MYO1B: variants seen among roughly 807,000 people sequenced by gnomAD.
The protein encoded by MYO1B is myosin IB, also known as unconventional myosin-Ib.
MYO1B carries 72 observed loss-of-function variants against 159.7 expected under a neutral mutation model. The observed-to-expected ratio is 0.45, with a 90% CI of 0.37 to 0.55. The LOEUF (loss-of-function observed/expected upper bound fraction) is 0.55. Ranked by LOEUF, MYO1B falls within the 20% of genes least tolerant of loss-of-function variation. The probability of loss-of-function intolerance (pLI) is 0.00; values close to 1 mark genes in which losing one functional copy is unlikely to be tolerated. For synonymous variants in MYO1B, 468 were observed against 473.8 expected, an observed-to-expected ratio of 0.99 and a Z score of 0.16; for missense variants, 1,062 against 1,364.8, an observed-to-expected ratio of 0.78 and a Z score of 3.50.
rs1019083720 is a variant in MYO1B at position 191,416,101 on chromosome 2, G to A, written c.3160-14G>A. 5 of 1,609,580 alleles carry A rather than the reference G, an allele frequency of 3.1e-6. No individual in the cohort carries two copies. The African/African-American group carries it at 5.4e-5, about 17-fold the overall frequency. On this transcript the variant is annotated splice_polypyrimidine_tract_variant and intron_variant, in intron 29 of 30. Transcript: ENST00000392318. ...TATCTTTAATTATGACCGACTCTTG[G>A]TTTGTCCTTGCAGGGCTCAGAAGCA...
At chr2:191,377,004 G>A (rs148223236) in intron 13 of MYO1B, among the ~76,000 whole-genome samples, 28 of 152,232 alleles carry the variant, frequency 1.8e-4, no homozygotes, top group Non-Finnish European at 1.0e-4. Context: ...TGAATCGACT[G>A]GGAATAAGAT....
At chr2:191,297,132 T>C (rs1035257760) in intron 3 of MYO1B, among the ~76,000 whole-genome samples, 2 of 136,246 alleles carry the variant, frequency 1.5e-5, no homozygotes, top group African/African-American at 2.6e-5. Context: ...TACATTCTCA[T>C]GTCCACTACT....
At chr2:191,305,787 T>C (rs2125844212) in intron 3 of MYO1B, among the ~76,000 whole-genome samples, 1 of 152,196 alleles carries the variant, frequency 6.6e-6, no homozygotes, top group Middle Eastern at 3.4e-3. Context: ...GAGCAGTAAG[T>C]GGTGTGGTCC....
intron 7 of MYO1B, 90 bp from the exon 8 acceptor site, chr2:191,360,541 A>T: frequency 1.3e-6 from 1 of 775,714 alleles, no homozygotes; most frequent in Non-Finnish European, 2.1e-6. Context: ...ACTGCAGAAT[A>T]GAAAGAAAAA....
At chr2:191,293,389 A>C (rs1265091431) in intron 2 of MYO1B, among the ~76,000 whole-genome samples, 1 of 152,234 alleles carries the variant, frequency 6.6e-6, no homozygotes, top group Non-Finnish European at 1.5e-5. Flanking sequence ...CCAGACCACA[A>C]GAGAGGGTTC....
intron 7 of MYO1B, among the ~76,000 whole-genome samples, chr2:191,353,519 G>A (rs943197148): frequency 3.3e-5 from 5 of 152,156 alleles, no homozygotes; most frequent in African/African-American, 4.8e-5. Context: ...TAGACAGGTC[G>A]TCTTGTTCAC....
chr2:191,265,145 C>T (rs1235460941), intron 1 of MYO1B, among the ~76,000 whole-genome samples: 1 of 151,330 alleles, frequency 6.6e-6, no homozygotes, highest in East Asian at 1.9e-4. Flanking sequence ...GTACATTTCT[C>T]TCCATTGTCA....
intron 4 of MYO1B, 69 bp from the exon 5 acceptor site, chr2:191,341,392 T>A (rs1261017537): frequency 7.5e-7 from 1 of 1,337,636 alleles, no homozygotes; most frequent in African/African-American, 1.5e-5. Context: ...TCTCCCACAT[T>A]TCCTCCTCCC....
chr2:191,294,294 A>C (rs1342383266), intron 2 of MYO1B, among the ~76,000 whole-genome samples: 1 of 152,216 alleles, frequency 6.6e-6, no homozygotes, highest in Non-Finnish European at 1.5e-5. Flanking sequence ...GCAACTCAGT[A>C]AGTGGTTTTT....
chr2:191,344,698 C>T (rs867939346), intron 5 of MYO1B, among the ~76,000 whole-genome samples: 24 of 151,096 alleles, frequency 1.6e-4, no homozygotes, highest in Middle Eastern at 6.9e-3. Context: ...GGCGTAGTGG[C>T]GGGCGCCTGT....
chr2:191,419,833 A>AAT (rs1217399807), intron 30 of MYO1B, among the ~76,000 whole-genome samples: 1 of 152,166 alleles, frequency 6.6e-6, no homozygotes, highest in Non-Finnish European at 1.5e-5. Context: ...AAGCTTATAG[A>AAT]ATAAGGTTAT....
chr2:191,336,157 A>G (rs1003974803), intron 4 of MYO1B, among the ~76,000 whole-genome samples: 1 of 152,198 alleles, frequency 6.6e-6, no homozygotes, highest in Non-Finnish European at 1.5e-5. Context: ...CAACGTTAGG[A>G]AACATAATTA....
rs140346653 is a variant in MYO1B at position 191,277,925 on chromosome 2, A to G, written c.135+895A>G. On this transcript the variant is annotated intron_variant, in intron 2 of 30. Coordinates refer to ENST00000392318, the MANE Select transcript of MYO1B (RefSeq NM_001130158.3). ...CATGCTTAATATTTTTCTGTTTATCATTCTAGGGAGGAAGTATAAATAAAT... is the reference window on the plus strand; with the variant it reads ...CATGCTTAATATTTTTCTGTTTATCGTTCTAGGGAGGAAGTATAAATAAAT... 2.0e-4 allele frequency among the ~76,000 whole-genome samples: 31 copies of G among 152,330 alleles called. No individual in the cohort carries two copies. The East Asian group carries it at 6.0e-3, about 29-fold the overall frequency.
chr2:191,389,331 C>T, intron 17 of MYO1B, among the ~76,000 whole-genome samples: 1 of 152,172 alleles, frequency 6.6e-6, no homozygotes, highest in Admixed American at 6.5e-5. Context: ...ACAGGGATTG[C>T]TGCAGTATGA....
At chr2:191,329,608 A>G (rs1691326435) in intron 3 of MYO1B, among the ~76,000 whole-genome samples, 1 of 147,660 alleles carries the variant, frequency 6.8e-6, no homozygotes, top group Admixed American at 6.8e-5. Context: ...ATAATTTCAT[A>G]TAAATTTTAT....
chr2:191,406,575 G>A (rs1696927323), intron 24 of MYO1B, among the ~76,000 whole-genome samples: 1 of 152,196 alleles, frequency 6.6e-6, no homozygotes, highest in Admixed American at 6.5e-5. Flanking sequence ...AGGGAATAAG[G>A]GAGGCCCGAG....
At chr2:191,352,107 A>T (rs144959626) in intron 7 of MYO1B, among the ~76,000 whole-genome samples, 1 of 152,350 alleles carries the variant, frequency 6.6e-6, no homozygotes, top group Non-Finnish European at 1.5e-5. Context: ...CATGCAAACC[A>T]CATACGATGT....
At chr2:191,353,414 G>A (rs1325414368) in intron 7 of MYO1B, among the ~76,000 whole-genome samples, 1 of 152,076 alleles carries the variant, frequency 6.6e-6, no homozygotes, top group African/African-American at 2.4e-5. Context: ...AAGTCGCAAG[G>A]GATTCTGTCT....
In MYO1B at chr2:191,424,095, G is replaced by A. The variant is rs1698108989; in HGVS notation, c.*135G>A. On this transcript the variant is annotated 3_prime_UTR_variant, in exon 31 of 31. Transcript: ENST00000392318. Reference sequence around the variant, plus strand: ...GTTCTTTGGCAAAATAAAAATATTTGACTAATCAATTTTTATTATTGGAAT... The same window carrying A: ...GTTCTTTGGCAAAATAAAAATATTTAACTAATCAATTTTTATTATTGGAAT... 1 of 1,012,642 alleles carries A rather than the reference G, an allele frequency of 9.9e-7. No individual in the cohort carries two copies. The highest frequency in any genetic ancestry group is 2.4e-5 in the East Asian group (1 of 41,584). The allele number at this position is 1,012,642 out of a possible 1,614,324, so 62.7% of individuals were successfully genotyped here.
Sources: gnomAD v4.1 joint callset for allele counts (sites outside exome capture counted in the v4.1 genomes callset) on GRCh38, gnomAD v4.1.1 for gene constraint, MANE v1.5 for transcripts, NCBI Gene and HGNC (gene_info 2026-07-23, HGNC 2026-07-21) for gene names.